Variants in THOC5 observed in about 807,000 individuals in gnomAD.
THOC5 encodes the protein Fms-interacting protein.
In THOC5, 43 loss-of-function variants were observed where a neutral mutation model predicts 92.9. The observed-to-expected ratio is 0.46, with a 90% confidence interval of 0.36 to 0.60. The LOEUF is 0.60. Ranked by LOEUF, THOC5 falls within the 20% of genes least tolerant of loss-of-function variation. The probability of loss-of-function intolerance (pLI) is 0.00; values close to 1 mark genes in which losing one functional copy is unlikely to be tolerated. For synonymous variants in THOC5, 296 were observed against 320.1 expected, an observed-to-expected ratio of 0.92 and a Z score of 0.80; for missense variants, 659 against 849.4, an observed-to-expected ratio of 0.78 and a Z score of 2.79.
chr22:29,542,671 G>A (rs1031752734), intron 5 of THOC5, among the ~76,000 whole-genome samples, 188 bp downstream of exon 5: 2 of 152,176 alleles, frequency 1.3e-5, no homozygotes, highest in African/African-American at 4.8e-5. Context: ...GGCTGAGGCA[G>A]GAGAATTGCT....
intron 11 of THOC5, 88 bp from the exon 12 acceptor site, chr22:29,526,034 T>C: frequency 1.8e-6 from 1 of 571,144 alleles, no homozygotes; most frequent in Non-Finnish European, 3.2e-6. Context: ...GGTGGGGGGG[T>C]CAAGTGTTGA....
intron 1 of THOC5, 47 bp from the exon 2 acceptor site, chr22:29,549,205 T>C: frequency 1.3e-6 from 2 of 1,557,686 alleles, no homozygotes; most frequent in East Asian, 4.5e-5. Flanking sequence ...GTCATAACAC[T>C]GAAGTCAAAC....
chr22:29,527,293 C>T (rs1042740376), intron 11 of THOC5, among the ~76,000 whole-genome samples: 4 of 152,118 alleles, frequency 2.6e-5, no homozygotes, highest in Non-Finnish European at 5.9e-5. Context: ...ATGGCACATG[C>T]CTGTAGCCCC....
At chr22:29,513,332 G>C (rs2063262790) in intron 17 of THOC5, among the ~76,000 whole-genome samples, 1 of 150,390 alleles carries the variant, frequency 6.6e-6, no homozygotes, top group Non-Finnish European at 1.5e-5. Flanking sequence ...ACTCCAGCCT[G>C]GGTGACAGAG....
At chr22:29,543,907 A>C (rs1292229705) in intron 3 of THOC5, among the ~76,000 whole-genome samples, 1 of 152,166 alleles carries the variant, frequency 6.6e-6, no homozygotes, top group Admixed American at 6.5e-5. Context: ...AAAATAACAG[A>C]ATTATAGCCA....
chr22:29,531,596 G>A, intron 8 of THOC5: 2 of 1,256,008 alleles, frequency 1.6e-6, no homozygotes, highest in South Asian at 5.5e-5. Flanking sequence ...TGTCCAGCCA[G>A]GCTCACGAAT....
intron 9 of THOC5, 105 bp downstream of exon 9, chr22:29,529,057 G>C: frequency 8.7e-7 from 1 of 1,150,710 alleles, no homozygotes; most frequent in Admixed American, 1.8e-5. Context: ...TTCAAGTCAA[G>C]CTTCCTGCTA....
chr22:29,514,701 A>T lies in THOC5; in HGVS notation c.1681+2328T>A, dbSNP rs1017946945. Among the ~76,000 whole-genome samples, 321 of 148,750 alleles carry T rather than the reference A, an allele frequency of 2.2e-3. 2 individuals carry two copies. Among genetic ancestry groups the T allele is most frequent in the Middle Eastern group, 7.0e-3 (2 of 286 alleles). On this transcript the variant is annotated intron_variant, in intron 17 of 19. Coordinates refer to ENST00000490103, the MANE Select transcript of THOC5 (RefSeq NM_003678.5). ...ATTTCACAATGCACTCAAATGAAAA[A>T]ATATATATATATATATTTTTTGAGA...
intron 10 of THOC5, 50 bp from the exon 11 acceptor site, chr22:29,528,227 C>G (rs1235631540): frequency 6.2e-7 from 1 of 1,614,064 alleles, no homozygotes; most frequent in Non-Finnish European, 8.5e-7. Flanking sequence ...TAGCAATCTC[C>G]CCTTCCCTCT....
intron 11 of THOC5, 75 bp downstream of exon 11, chr22:29,528,003 C>T (rs1336952301): frequency 6.2e-6 from 9 of 1,450,818 alleles, no homozygotes; most frequent in South Asian, 3.5e-5. Flanking sequence ...GTTTGGCTCC[C>T]GGACCCTCTG....
rs752728914 is a variant in THOC5 at position 29,539,437 on chromosome 22, C to A, written c.492G>T (p.Glu164Asp). 6.2e-7 allele frequency: 1 copy of A among 1,614,094 alleles called. No homozygotes were observed. The highest frequency in any genetic ancestry group is 2.2e-5 in the East Asian group (1 of 44,884). ...TATCTGGTGGAGCCTCCTTATAAAACTCCTCTAAACTGACCAGATCAATTT... is the reference window on the plus strand; with the variant it reads ...TATCTGGTGGAGCCTCCTTATAAAAATCCTCTAAACTGACCAGATCAATTT... ...HEEIDLVSLE[E>D]FYKEAPPDIS... The change falls in exon 6 of 20, where the codon GAG becomes GAT. Residue 164 changes from glutamate (E) to aspartate (D), a missense_variant. Transcript: ENST00000490103.
At chr22:29,544,341 C>T in intron 3 of THOC5, 119 bp downstream of exon 3, 1 of 1,109,536 alleles carries the variant, frequency 9.0e-7, no homozygotes, top group Admixed American at 2.8e-5. Flanking sequence ...CCTCAGGCTC[C>T]AATCACCTGA....
At chr22:29,524,566 G>A (rs997911687) in intron 12 of THOC5, among the ~76,000 whole-genome samples, 1 of 152,142 alleles carries the variant, frequency 6.6e-6, no homozygotes, top group Non-Finnish European at 1.5e-5. Flanking sequence ...ACGATCTGGG[G>A]GCCCTGGAAC....
rs2063151120 is a variant in THOC5, at chr22:29,507,707, T to C, written c.*750A>G. 1 of 152,266 alleles carries C rather than the reference T, an allele frequency of 6.6e-6. No individual in the cohort carries two copies. Among genetic ancestry groups the C allele is most frequent in the African/African-American group, 2.4e-5 (1 of 41,478 alleles). 9.4% of individuals were successfully genotyped at this position (152,266 alleles called of 1,614,324 possible). On this transcript the variant is annotated 3_prime_UTR_variant, in exon 20 of 20. Coordinates refer to ENST00000490103, the MANE Select transcript of THOC5 (RefSeq NM_003678.5). ...ATTTTCTTTTCTCTAGTTTACTGTA[T>C]TGTAAGAATACAGTGTATAAGATAC...
At position 29,538,800 on chromosome 22, in the gene THOC5, G is replaced by GAAAAAAAAAAAA. The variant is rs1491105374; in HGVS notation, c.599+529_599+530insTTTTTTTTTTTT. 1.8e-4 allele frequency among the ~76,000 whole-genome samples: 6 copies of GAAAAAAAAAAAA among 33,000 alleles called. 2 individuals are homozygous for GAAAAAAAAAAAA. The highest frequency in any genetic ancestry group is 9.8e-4 in the Admixed American group (2 of 2,042). 21.6% of individuals were successfully genotyped at this position (33,000 alleles called of 152,430 possible). On this transcript the variant is annotated intron_variant, in intron 6 of 19. Coordinates refer to ENST00000490103, the MANE Select transcript of THOC5 (RefSeq NM_003678.5). ...CAATAGAGTGAAACGCCATCTCTTT[G>GAAAAAAAAAAAA]GAAAAAAAAAAAAAAAAAAAAAAAA...
At chr22:29,529,884 G>C (rs966974746) in intron 8 of THOC5, among the ~76,000 whole-genome samples, 2 of 152,230 alleles carry the variant, frequency 1.3e-5, no homozygotes, top group African/African-American at 4.8e-5. Flanking sequence ...GCTCACACCT[G>C]TAATCTCAGC....
chr22:29,533,513 T>G (rs541185105), intron 7 of THOC5, among the ~76,000 whole-genome samples: 6 of 152,146 alleles, frequency 3.9e-5, no homozygotes, highest in Non-Finnish European at 8.8e-5. Flanking sequence ...AATAGAAAGA[T>G]TTCTTAAACA....
At chr22:29,519,915 T>G (rs1226236364) in intron 14 of THOC5, 93 bp downstream of exon 14, 13 of 1,002,430 alleles carry the variant, frequency 1.3e-5, no homozygotes, top group Non-Finnish European at 1.6e-5. Flanking sequence ...ATTATAGGCA[T>G]GAGCCACCGC....
chr22:29,551,324 C>T (rs867887833), intron 1 of THOC5, among the ~76,000 whole-genome samples: 20 of 152,212 alleles, frequency 1.3e-4, no homozygotes, highest in African/African-American at 4.3e-4. Flanking sequence ...ATCTCAGCTA[C>T]TCAGGAGGCT....
Sources: allele counts gnomAD v4.1 joint callset (sites outside exome capture counted in the v4.1 genomes callset), GRCh38; gene constraint gnomAD v4.1.1; transcripts MANE v1.5; gene names NCBI Gene and HGNC (gene_info 2026-07-23, HGNC 2026-07-21).